ITPR2: variants seen among roughly 807,000 people sequenced by gnomAD.
The protein encoded by ITPR2 is inositol 1,4,5-trisphosphate-gated calcium channel ITPR2.
In ITPR2, 207 loss-of-function variants were observed where a neutral mutation model predicts 317.1. That is an observed-to-expected ratio of 0.65 (90% CI 0.58 to 0.73). The LOEUF (loss-of-function observed/expected upper bound fraction) is 0.73. Ranked by LOEUF, ITPR2 falls within the 30% of genes least tolerant of loss-of-function variation. The pLI is 0.00. For missense variants in ITPR2, 2,613 were observed against 3,284.0 expected (o/e 0.80, Z 4.99); for synonymous variants, 1,156 against 1,149.1 (o/e 1.01, Z -0.12).
At position 26,774,870 on chromosome 12, in the gene ITPR2, G is replaced by A. The variant is rs1565754236; in HGVS notation, c.163+15287C>T. Among the ~76,000 whole-genome samples, 4 of 152,262 alleles carry A rather than the reference G, an allele frequency of 2.6e-5. No homozygotes were observed. The East Asian group carries it at 5.8e-4, about 22-fold the overall frequency. On this transcript the variant is annotated intron_variant, in intron 2 of 56. Coordinates refer to ENST00000381340, the MANE Select transcript of ITPR2 (RefSeq NM_002223.4). ...TATTGTGGAACGAAATGACAACACC[G>A]TCTGGTGCAAACAAAAACCCTTAGT...
Position 26,671,805 on chromosome 12 carries a change from A to G in ITPR2, c.1410-5754T>C, listed in dbSNP as rs1947779362. On this transcript the variant is annotated intron_variant, in intron 13 of 56. Transcript: ENST00000381340. ...TCAGTGTGCTGTATTCAGGCAACCT[A>G]TCTCACGTGCAGAGACACACATAGG... Among the ~76,000 whole-genome samples the G allele has an allele frequency of 2.6e-5, 4 of 152,362 alleles. No homozygotes were observed. The South Asian group carries it at 8.3e-4, about 32-fold the overall frequency.
Position 26,387,740 on chromosome 12 carries a change from C to T in ITPR2, c.7697-146G>A, listed in dbSNP as rs1458682332. The T allele has an allele frequency of 2.9e-5, 20 of 700,576 alleles. No homozygotes were observed. In the South Asian group the frequency reaches 4.1e-4, roughly 14 times the overall value. The allele number at this position is 700,576 out of a possible 1,614,324, so 43.4% of individuals were successfully genotyped here. A position where few individuals can be genotyped will look rare whatever the true frequency, so the allele number is the denominator to read the frequency against. Reference sequence around the variant, plus strand: ...TTTAAAATGCTATGATTAAAAACAACACAGTACACAAGACCTCCAGAAAAG... The same window carrying T: ...TTTAAAATGCTATGATTAAAAACAATACAGTACACAAGACCTCCAGAAAAG... On this transcript the variant is annotated intron_variant, in intron 54 of 56. Coordinates refer to ENST00000381340, the MANE Select transcript of ITPR2 (RefSeq NM_002223.4).
chr12:26,588,997 C>T (rs1294088494), intron 32 of ITPR2, among the ~76,000 whole-genome samples: 1 of 152,184 alleles, frequency 6.6e-6, no homozygotes, highest in Non-Finnish European at 1.5e-5. Context: ...CTAATAATGA[C>T]TCAAATCCCC....
chr12:26,436,514 A>C (rs1941352835), intron 47 of ITPR2, among the ~76,000 whole-genome samples, 168 bp from the exon 48 acceptor site: 1 of 152,202 alleles, frequency 6.6e-6, no homozygotes, highest in African/African-American at 2.4e-5. Flanking sequence ...AACAATCAGA[A>C]CCATAAAGGA....
At chr12:26,404,043 G>A (rs1265730029) in intron 52 of ITPR2, among the ~76,000 whole-genome samples, 1 of 152,094 alleles carries the variant, frequency 6.6e-6, no homozygotes, top group Non-Finnish European at 1.5e-5. Context: ...ATAGTCTAGT[G>A]GTGATATACT....
intron 9 of ITPR2, among the ~76,000 whole-genome samples, chr12:26,705,460 G>T (rs781494309): frequency 1.3e-5 from 2 of 151,972 alleles, no homozygotes; most frequent in Non-Finnish European, 2.9e-5. Flanking sequence ...ATCCTTTAAA[G>T]ATAATTTCCT....
intron 45 of ITPR2, among the ~76,000 whole-genome samples, chr12:26,445,986 T>C (rs985303372): frequency 6.6e-6 from 1 of 152,062 alleles, no homozygotes; most frequent in Admixed American, 6.6e-5. Context: ...TTGCCTTAGA[T>C]AGGAAAAAAT....
chr12:26,729,012 A>T (rs376342691), intron 2 of ITPR2, among the ~76,000 whole-genome samples: 3 of 152,216 alleles, frequency 2.0e-5, no homozygotes, highest in African/African-American at 7.2e-5. Flanking sequence ...TACTTTGTTG[A>T]CAGCTTCTTT....
chr12:26,688,541 G>C (rs1948173744), intron 10 of ITPR2, among the ~76,000 whole-genome samples: 1 of 152,066 alleles, frequency 6.6e-6, no homozygotes, highest in East Asian at 1.9e-4. Context: ...AGGAGAAGCA[G>C]AGGAAGAAGA....
At chr12:26,540,514 T>G (rs193009294) in intron 37 of ITPR2, among the ~76,000 whole-genome samples, 1 of 152,304 alleles carries the variant, frequency 6.6e-6, no homozygotes, top group African/African-American at 2.4e-5. Flanking sequence ...CTACAATCAT[T>G]AGCTACCAAA....
intron 22 of ITPR2, among the ~76,000 whole-genome samples, chr12:26,631,043 A>T (rs1946740536): frequency 6.6e-6 from 1 of 152,216 alleles, no homozygotes; most frequent in Non-Finnish European, 1.5e-5. Flanking sequence ...TTAAAGGACT[A>T]CTAACCCACT....
chr12:26,403,748 T>C (rs530625778), intron 52 of ITPR2, among the ~76,000 whole-genome samples: 2 of 152,290 alleles, frequency 1.3e-5, no homozygotes, highest in South Asian at 4.2e-4. Context: ...AGTAGTAGAA[T>C]CGAGTTTGCC....
chr12:26,441,483 A>G (rs1941487091), intron 46 of ITPR2, among the ~76,000 whole-genome samples: 2 of 152,202 alleles, frequency 1.3e-5, no homozygotes, highest in Non-Finnish European at 2.9e-5. Context: ...TTCCAATGTG[A>G]TAAATATTAA....
intron 15 of ITPR2, 61 bp from the exon 16 acceptor site, chr12:26,659,346 T>A: frequency 1.4e-6 from 2 of 1,392,610 alleles, no homozygotes. Flanking sequence ...ACAGGTTCTA[T>A]TAGGGTCAAC....
chr12:26,773,981 ATTTTTTT>A (rs34106132), intron 2 of ITPR2, among the ~76,000 whole-genome samples: 4 of 91,414 alleles, frequency 4.4e-5, no homozygotes, highest in Non-Finnish European at 8.5e-5. Flanking sequence ...CAACTGGAGA[ATTTTTTT>A]TTTTTTTTTT....
At chr12:26,771,496 G>A (rs927505153) in intron 2 of ITPR2, among the ~76,000 whole-genome samples, 2 of 152,156 alleles carry the variant, frequency 1.3e-5, no homozygotes, top group East Asian at 1.9e-4. Context: ...TTTGTTTTTT[G>A]TTGTTGTTAT....
chr12:26,698,093 T>C (rs1387563330), intron 9 of ITPR2, among the ~76,000 whole-genome samples: 1 of 152,040 alleles, frequency 6.6e-6, no homozygotes, highest in African/African-American at 2.4e-5. Context: ...AGCTCTCAAA[T>C]GGAAGAGAGA....
chr12:26,638,165 T>A (rs1442469474), intron 21 of ITPR2, among the ~76,000 whole-genome samples: 1 of 152,232 alleles, frequency 6.6e-6, no homozygotes, highest in Non-Finnish European at 1.5e-5. Context: ...GTGTTCTGCA[T>A]CTTATTTTGG....
rs184603148 is a variant in ITPR2, at chr12:26,828,049, G to C, written c.92+4641C>G. Among the ~76,000 whole-genome samples the C allele has an allele frequency of 1.2e-3, 181 of 152,298 alleles. 1 individual carries two copies. The highest frequency in any genetic ancestry group is 6.8e-3 in the Middle Eastern group (2 of 294). ...ACTTGTTTTTATAATACCCCCAGGG[G>C]GATGGGCCACAGCATCTTCTCTCCT... On this transcript the variant is annotated intron_variant, in intron 1 of 56. Coordinates refer to ENST00000381340, the MANE Select transcript of ITPR2 (RefSeq NM_002223.4).
Sources: gnomAD v4.1 joint callset for allele counts (sites outside exome capture counted in the v4.1 genomes callset) on GRCh38, gnomAD v4.1.1 for gene constraint, MANE v1.5 for transcripts, NCBI Gene and HGNC (gene_info 2026-07-23, HGNC 2026-07-21) for gene names.